DLGAP4: variants seen among roughly 807,000 people sequenced by gnomAD.
The protein encoded by DLGAP4 is disks large-associated protein 4.
A neutral mutation model predicts 86.9 loss-of-function variants in DLGAP4; 18 were observed. The observed-to-expected ratio is 0.21, with a 90% confidence interval of 0.14 to 0.31. The LOEUF is 0.31. Among genes scored for constraint, DLGAP4 ranks in the 10% least tolerant of loss-of-function variants. The probability of loss-of-function intolerance (pLI) is 1.00; values close to 1 mark genes in which losing one functional copy is unlikely to be tolerated. For synonymous variants in DLGAP4, 548 were observed against 574.3 expected, an observed-to-expected ratio of 0.95 and a Z score of 0.65; for missense variants, 1,085 against 1,362.6, an observed-to-expected ratio of 0.80 and a Z score of 3.21.
At chr20:36,469,692 G>A (rs2034571915) in intron 7 of DLGAP4, among the ~76,000 whole-genome samples, 1 of 150,932 alleles carries the variant, frequency 6.6e-6, no homozygotes, top group South Asian at 2.1e-4. Context: ...GGTGGAGGTT[G>A]CAGTGAGCCG....
At chr20:36,512,931 C>CTTTTTTTTTTTTTTTTT in intron 10 of DLGAP4, among the ~76,000 whole-genome samples, 1 of 23,530 alleles carries the variant, frequency 4.2e-5, no homozygotes, top group Non-Finnish European at 8.9e-5. Context: ...CTCAGAGGCC[C>CTTTTTTTTTTTTTTTTT]TTTTTTTTTT....
At chr20:36,411,845 A>C (rs1478702470) in intron 2 of DLGAP4, among the ~76,000 whole-genome samples, 1 of 151,914 alleles carries the variant, frequency 6.6e-6, no homozygotes, top group Non-Finnish European at 1.5e-5. Context: ...GTCTCTACTT[A>C]TCCCTTTTTA....
At chr20:36,379,466 G>A (rs2031292148) in intron 2 of DLGAP4, among the ~76,000 whole-genome samples, 1 of 152,228 alleles carries the variant, frequency 6.6e-6, no homozygotes, top group Admixed American at 6.5e-5. Flanking sequence ...ACAGGGTCAG[G>A]CTCTGAGCGG....
intron 1 of DLGAP4, among the ~76,000 whole-genome samples, chr20:36,341,881 A>G (rs945651465): frequency 6.6e-6 from 1 of 152,192 alleles, no homozygotes; most frequent in Non-Finnish European, 1.5e-5. Flanking sequence ...AGTGGGCACC[A>G]CCACAGCCTC....
At chr20:36,510,481 T>C (rs1340255325) in intron 10 of DLGAP4, among the ~76,000 whole-genome samples, 1 of 152,046 alleles carries the variant, frequency 6.6e-6, no homozygotes, top group Admixed American at 6.6e-5. Context: ...GCCAAGCTGG[T>C]CTCAAACTCC....
At chr20:36,464,850 CAA>C (rs745819855) in intron 7 of DLGAP4, among the ~76,000 whole-genome samples, 10 of 129,102 alleles carry the variant, frequency 7.7e-5, no homozygotes, top group South Asian at 2.7e-4. Flanking sequence ...AACTCTGTCT[CAA>C]AAAAAAAAAA....
chr20:36,444,482 C>G (rs1184563141), intron 6 of DLGAP4, among the ~76,000 whole-genome samples: 1 of 152,014 alleles, frequency 6.6e-6, no homozygotes, highest in Non-Finnish European at 1.5e-5. Context: ...CGCTGTGTTG[C>G]CCAGGCTGGT....
At position 36,500,704 on chromosome 20, in the gene DLGAP4, G is replaced by C; in HGVS notation, c.2512+93G>C. ...CAGCAGCTTCCGAACTTCTGAGTGG[G>C]GGTCTCTTAGGTTCTCTTCTTGGGC... is the stretch of plus-strand genomic sequence containing the variant. On this transcript the variant is annotated intron_variant, in intron 10 of 12. Transcript: ENST00000339266. The surrounding 1 kb of genome is among the most constrained non-coding windows in gnomAD (Gnocchi z 4.6). The C allele has an allele frequency of 1.6e-6, 2 of 1,247,146 alleles. No individual in the cohort carries two copies. Among genetic ancestry groups the C allele is most frequent in the African/African-American group, 1.5e-5 (1 of 64,894 alleles). The allele number at this position is 1,247,146 out of a possible 1,614,324, so 77.3% of individuals were successfully genotyped here. A position where few individuals can be genotyped will look rare whatever the true frequency, so the allele number is the denominator to read the frequency against.
intron 7 of DLGAP4, among the ~76,000 whole-genome samples, chr20:36,490,284 A>G (rs559292009): frequency 6.6e-6 from 1 of 152,226 alleles, no homozygotes; most frequent in African/African-American, 2.4e-5. Context: ...CCTGATCCTG[A>G]CCTAGCTGCT....
intron 2 of DLGAP4, among the ~76,000 whole-genome samples, chr20:36,383,810 C>G (rs1312983464): frequency 6.6e-6 from 1 of 151,816 alleles, no homozygotes; most frequent in Non-Finnish European, 1.5e-5. Flanking sequence ...GCCGTCTCTA[C>G]TAAAAATACA....
intron 7 of DLGAP4, among the ~76,000 whole-genome samples, chr20:36,469,925 T>C (rs1442947039): frequency 2.0e-5 from 3 of 152,088 alleles, no homozygotes; most frequent in African/African-American, 7.2e-5. Flanking sequence ...CCTCCAAATA[T>C]TTGATTACAC....
At chr20:36,445,918 C>A (rs1475658793) in intron 6 of DLGAP4, among the ~76,000 whole-genome samples, 1 of 152,158 alleles carries the variant, frequency 6.6e-6, no homozygotes, top group Non-Finnish European at 1.5e-5. Flanking sequence ...ATGCTCATAC[C>A]CTTGGCTTCA....
chr20:36,363,528 C>A (rs1411938095), intron 1 of DLGAP4, among the ~76,000 whole-genome samples: 1 of 151,874 alleles, frequency 6.6e-6, no homozygotes, highest in African/African-American at 2.4e-5. Context: ...TGATGGCTTG[C>A]GTGTGAGAGG....
At chr20:36,402,821 C>A (rs2032202155) in intron 2 of DLGAP4, among the ~76,000 whole-genome samples, 1 of 152,184 alleles carries the variant, frequency 6.6e-6, no homozygotes. Flanking sequence ...TTCATCTTAA[C>A]AATGGCTCAG....
chr20:36,403,517 C>T (rs938918899), intron 2 of DLGAP4, among the ~76,000 whole-genome samples: 5 of 152,148 alleles, frequency 3.3e-5, no homozygotes, highest in African/African-American at 9.7e-5. Flanking sequence ...AAAGCTGGGG[C>T]CAAAGAAGAA....
chr20:36,397,801 C>T (rs1015572271), intron 2 of DLGAP4, among the ~76,000 whole-genome samples: 1 of 152,158 alleles, frequency 6.6e-6, no homozygotes, highest in African/African-American at 2.4e-5. Flanking sequence ...CTTTGGTATT[C>T]GTTGAGATTG....
chr20:36,502,377 C>T (rs1450132635), intron 10 of DLGAP4, among the ~76,000 whole-genome samples: 1 of 152,178 alleles, frequency 6.6e-6, no homozygotes, highest in Non-Finnish European at 1.5e-5. Context: ...GAGACATGGC[C>T]TCACTCTGTC....
intron 2 of DLGAP4, among the ~76,000 whole-genome samples, chr20:36,376,529 T>C (rs983205861): frequency 5.9e-5 from 9 of 152,024 alleles, no homozygotes; most frequent in Non-Finnish European, 1.2e-4. Flanking sequence ...GTCTTGGGGG[T>C]GACAGCAGGT....
In DLGAP4 at chr20:36,422,743, A is replaced by C. The variant is rs974110503; in HGVS notation, c.-72-8903A>C. ...GCATGTGGGGGTGGCGGCTGCAGACACAGAGGCACCATGGAGCAGGGAGGT... is the reference window on the plus strand; with the variant it reads ...GCATGTGGGGGTGGCGGCTGCAGACCCAGAGGCACCATGGAGCAGGGAGGT... On this transcript the variant is annotated intron_variant, in intron 2 of 12. Coordinates refer to ENST00000339266, the MANE Select transcript of DLGAP4 (RefSeq NM_001365621.2). Among the ~76,000 whole-genome samples the C allele has an allele frequency of 5.3e-5, 8 of 152,292 alleles. No homozygotes were observed. In the East Asian group the frequency reaches 1.5e-3, roughly 29 times the overall value.
Sources: allele counts gnomAD v4.1 joint callset (sites outside exome capture counted in the v4.1 genomes callset), GRCh38; gene constraint gnomAD v4.1.1; non-coding constraint Gnocchi (gnomAD v3.1); transcripts MANE v1.5; gene names NCBI Gene and HGNC (gene_info 2026-07-23, HGNC 2026-07-21).